The following GLIS3 variants were observed in gnomAD, a reference collection of about 807,000 sequenced individuals.
GLIS3 encodes the protein zinc finger protein GLIS3.
Under a neutral mutation model 78.6 loss-of-function variants are expected in GLIS3, and 53 were observed. The observed-to-expected ratio is 0.67, with a 90% confidence interval of 0.54 to 0.85. GLIS3 has a LOEUF of 0.85. GLIS3 is among the 40% of genes least tolerant of loss of function. The pLI, the probability that GLIS3 is intolerant of heterozygous loss-of-function variation, is 0.00. For missense variants in GLIS3, 1,703 were observed against 1,231.1 expected (o/e 1.38, Z -5.74); for synonymous variants, 684 against 509.9 (o/e 1.34, Z -4.60).
the GLIS3 span, among the ~76,000 whole-genome samples, chr9:4,378,579 C>T: frequency 6.6e-6 from 1 of 152,046 alleles, no homozygotes; most frequent in Non-Finnish European, 1.5e-5. Flanking sequence ...CTACATCAAT[C>T]CTACAAAATA....
At chr9:4,192,126 A>T (rs1443227963) in intron 2 of GLIS3, among the ~76,000 whole-genome samples, 1 of 152,184 alleles carries the variant, frequency 6.6e-6, no homozygotes, top group Non-Finnish European at 1.5e-5. Flanking sequence ...CAAAAATAGT[A>T]AAGAATTGAT....
At chr9:4,202,535 A>T (rs1819502140) in intron 2 of GLIS3, among the ~76,000 whole-genome samples, 1 of 152,184 alleles carries the variant, frequency 6.6e-6, no homozygotes, top group Admixed American at 6.5e-5. Context: ...AAAAGAACAA[A>T]GATGGAGGCA....
At chr9:4,298,358 T>A (rs2130462091) in intron 1 of GLIS3, 1 of 455,944 alleles carries the variant, frequency 2.2e-6, no homozygotes, top group African/African-American at 2.0e-5. Context: ...CAGAAACCCT[T>A]CCCCAAAGTT....
At chr9:3,996,816 G>C (rs761675716) in intron 4 of GLIS3, among the ~76,000 whole-genome samples, 3 of 152,088 alleles carry the variant, frequency 2.0e-5, no homozygotes, top group Non-Finnish European at 2.9e-5. Context: ...AAGATGACAT[G>C]TGTTAATAAT....
At chr9:4,023,999 T>C (rs12344339) in intron 4 of GLIS3, among the ~76,000 whole-genome samples, 44,434 of 149,648 alleles carry the variant, frequency 0.3, 7,453 homozygotes, top group Non-Finnish European at 0.4. Context: ...GTTTCATTCA[T>C]AGAGGATAAA....
At chr9:4,000,008 C>A (rs1821019738) in intron 4 of GLIS3, among the ~76,000 whole-genome samples, 1 of 152,096 alleles carries the variant, frequency 6.6e-6, no homozygotes, top group Admixed American at 6.6e-5. Flanking sequence ...CGTACATATG[C>A]TTCCAGTAAA....
chr9:4,049,232 C>G (rs1015977057), intron 4 of GLIS3, among the ~76,000 whole-genome samples: 1 of 152,166 alleles, frequency 6.6e-6, no homozygotes, highest in Non-Finnish European at 1.5e-5. Flanking sequence ...TACTGCTTGT[C>G]AAAATACTCA....
the GLIS3 span, among the ~76,000 whole-genome samples, chr9:4,353,898 G>A: frequency 1.3e-5 from 2 of 152,190 alleles, no homozygotes; most frequent in East Asian, 1.9e-4. Flanking sequence ...CGCGACCTCG[G>A]CTCACTGCAA....
Position 3,934,260 on chromosome 9 carries a change from C to T in GLIS3, c.1873-1790G>A, listed in dbSNP as rs62523476. 5.9e-3 allele frequency among the ~76,000 whole-genome samples: 905 copies of T among 152,180 alleles called. 6 individuals carry two copies. Among genetic ancestry groups the T allele is most frequent in the Non-Finnish European group, 0.011 (728 of 68,012 alleles). Reference sequence around the variant, plus strand: ...TGCAACTAGCTAAGATCTTTACTGGCGATCCCATTGTAAAAGCTTATGCTT... The same window carrying T: ...TGCAACTAGCTAAGATCTTTACTGGTGATCCCATTGTAAAAGCTTATGCTT... On this transcript the variant is annotated intron_variant, in intron 5 of 10. Transcript: ENST00000381971.
chr9:3,910,038 T>G, intron 6 of GLIS3, among the ~76,000 whole-genome samples: 1 of 152,196 alleles, frequency 6.6e-6, no homozygotes, highest in Non-Finnish European at 1.5e-5. Flanking sequence ...ACAGGGAACA[T>G]CCTTCCTTAC....
At chr9:4,435,029 G>GAACCCAA in the GLIS3 span, among the ~76,000 whole-genome samples, 1 of 152,182 alleles carries the variant, frequency 6.6e-6, no homozygotes, top group South Asian at 2.1e-4. Context: ...AAGAATTTGG[G>GAACCCAA]TTGTTCACAA....
intron 4 of GLIS3, among the ~76,000 whole-genome samples, chr9:4,016,382 C>G (rs1426586421): frequency 6.6e-6 from 1 of 152,164 alleles, no homozygotes; most frequent in Non-Finnish European, 1.5e-5. Context: ...ATAGTGGGAC[C>G]TTAAGTTTTG....
chr9:4,434,041 A>C, the GLIS3 span, among the ~76,000 whole-genome samples: 1 of 149,252 alleles, frequency 6.7e-6, no homozygotes, highest in African/African-American at 2.5e-5. Context: ...GGTTGCAGTG[A>C]GCCGAGATTG....
intron 3 of GLIS3, chr9:4,123,880 A>T (rs1832373981): frequency 2.5e-6 from 1 of 397,930 alleles, no homozygotes; most frequent in Non-Finnish European, 4.4e-6. Flanking sequence ...CAGGAAAAAC[A>T]ATACATTTTG....
At chr9:4,236,704 C>A (rs1429276747) in intron 2 of GLIS3, among the ~76,000 whole-genome samples, 1 of 152,074 alleles carries the variant, frequency 6.6e-6, no homozygotes, top group Non-Finnish European at 1.5e-5. Flanking sequence ...ATTATTGAGC[C>A]CCCACTATGT....
chr9:4,219,408 G>A (rs967194331), intron 2 of GLIS3, among the ~76,000 whole-genome samples: 4 of 152,220 alleles, frequency 2.6e-5, no homozygotes, highest in African/African-American at 9.6e-5. Context: ...CCCATTGACT[G>A]CATCCTCTAC....
intron 4 of GLIS3, among the ~76,000 whole-genome samples, chr9:4,033,864 T>TAAAAAAAAA (rs34745570): frequency 1.5e-4 from 10 of 67,986 alleles, no homozygotes; most frequent in East Asian, 5.7e-4. Context: ...AGGCGAAGGA[T>TAAAAAAAAA]AAAAAAAAAA....
At chr9:4,473,454 C>CACCAAAAAAAAAAAAAAAAAAAAAAAAA in the GLIS3 span, among the ~76,000 whole-genome samples, 2 of 58,852 alleles carry the variant, frequency 3.4e-5, no homozygotes, top group Non-Finnish European at 4.5e-5. Context: ...TCAACAACAA[C>CACCAAAAAAAAAAAAAAAAAAAAAAAAA]AACAACAAAA....
the GLIS3 span, among the ~76,000 whole-genome samples, chr9:4,489,904 C>A: frequency 6.6e-6 from 1 of 152,344 alleles, no homozygotes; most frequent in Admixed American, 6.5e-5. Flanking sequence ...CCTGTGGGGG[C>A]ACTGGAGGCT....
Sources: allele counts gnomAD v4.1 joint callset (sites outside exome capture counted in the v4.1 genomes callset), GRCh38; gene constraint gnomAD v4.1.1; transcripts MANE v1.5; gene names NCBI Gene and HGNC (gene_info 2026-07-23, HGNC 2026-07-21).